The following RAB22A variants were observed in gnomAD, a reference collection of about 807,000 sequenced individuals.
RAB22A encodes RAB22A, member RAS oncogene family, also known as ras-related protein Rab-22A.
Under a neutral mutation model 30.2 loss-of-function variants are expected in RAB22A, and 13 were observed. The ratio of observed to expected loss-of-function variants is 0.43; its 90% CI spans 0.28 to 0.68. The LOEUF is 0.68. RAB22A is among the 30% of genes least tolerant of loss of function. The pLI is 0.18. For synonymous variants in RAB22A, 89 were observed against 87.2 expected, an observed-to-expected ratio of 1.02 and a Z score of -0.11; for missense variants, 177 against 246.8, an observed-to-expected ratio of 0.72 and a Z score of 1.89.
At position 58,360,924 on chromosome 20, in the gene RAB22A, A is replaced by G. The variant is rs1262675279; in HGVS notation, c.*1221A>G. 2 of 152,652 alleles carry G rather than the reference A, an allele frequency of 1.3e-5. No homozygotes were observed. The highest frequency in any genetic ancestry group is 2.4e-5 in the African/African-American group (1 of 41,466). The allele number at this position is 152,652 out of a possible 1,614,324, so 9.5% of individuals were successfully genotyped here. On this transcript the variant is annotated 3_prime_UTR_variant, in exon 7 of 7. Transcript: ENST00000244040. The stretch of plus-strand genomic sequence containing the variant: ...GGTAAAAGATTAAGCTCCAACCTCA[A>G]GTCATTTACCTGGTCTTGGTAATAA...
rs577727266 is a variant in RAB22A, at chr20:58,342,713, G to C, written c.117-1005G>C. Among the ~76,000 whole-genome samples the C allele has an allele frequency of 3.0e-4, 46 of 151,044 alleles. 1 individual carries two copies. The South Asian group carries it at 9.4e-3, about 31-fold the overall frequency. ...AGAAGTCTTATTTTTCATTAGAAAA[G>C]AAGACACACCCATCTTTGGGCTCTA... On this transcript the variant is annotated intron_variant, in intron 2 of 6. Coordinates refer to ENST00000244040, the MANE Select transcript of RAB22A (RefSeq NM_020673.3).
At chr20:58,327,093 G>C (rs1986582018) in intron 2 of RAB22A, among the ~76,000 whole-genome samples, 1 of 152,158 alleles carries the variant, frequency 6.6e-6, no homozygotes, top group Non-Finnish European at 1.5e-5. Context: ...GAACGCTTGA[G>C]ACCAGTGTGG....
intron 5 of RAB22A, among the ~76,000 whole-genome samples, 156 bp downstream of exon 5, chr20:58,353,694 A>G (rs1478362937): frequency 6.6e-6 from 1 of 152,230 alleles, no homozygotes; most frequent in Non-Finnish European, 1.5e-5. Context: ...AACTAAAATT[A>G]AGATTTCAGG....
chr20:58,356,520 T>C (rs1987131696), intron 6 of RAB22A, among the ~76,000 whole-genome samples: 1 of 152,200 alleles, frequency 6.6e-6, no homozygotes, highest in South Asian at 2.1e-4. Flanking sequence ...TGACTTTGTA[T>C]TGAAGTATAA....
At chr20:58,351,260 C>T (rs1416285199) in intron 3 of RAB22A, among the ~76,000 whole-genome samples, 2 of 151,204 alleles carry the variant, frequency 1.3e-5, no homozygotes, top group Non-Finnish European at 2.9e-5. Flanking sequence ...TGCTTGAACC[C>T]GGCAGGCAGA....
intron 2 of RAB22A, among the ~76,000 whole-genome samples, chr20:58,342,216 T>C (rs550739777): frequency 6.6e-6 from 1 of 152,360 alleles, no homozygotes; most frequent in South Asian, 2.1e-4. Flanking sequence ...ACAATAACCA[T>C]TTATGAGTAC....
At chr20:58,310,882 T>G (rs1190164538) in intron 1 of RAB22A, among the ~76,000 whole-genome samples, 161 bp from the exon 2 acceptor site, 1 of 152,256 alleles carries the variant, frequency 6.6e-6, no homozygotes. Context: ...TCCTAATTAC[T>G]CTACTGAATT....
chr20:58,348,001 CG>C (rs1169800755), intron 3 of RAB22A, among the ~76,000 whole-genome samples: 2 of 152,146 alleles, frequency 1.3e-5, no homozygotes. Flanking sequence ...CCAAGGCAGG[CG>C]GATCACCTGA....
intron 2 of RAB22A, among the ~76,000 whole-genome samples, chr20:58,321,608 A>C (rs894499719): frequency 2.0e-5 from 3 of 152,144 alleles, no homozygotes; most frequent in African/African-American, 7.2e-5. Context: ...TTTGCAGTAA[A>C]AGAGTATTTG....
chr20:58,357,775 A>G (rs776693380), intron 6 of RAB22A, among the ~76,000 whole-genome samples: 4 of 152,206 alleles, frequency 2.6e-5, no homozygotes, highest in Non-Finnish European at 4.4e-5. Context: ...ATACTTTCTC[A>G]ATGTAGAAAC....
rs1303758330 is a variant in RAB22A at position 58,364,078 on chromosome 20, A to T, written c.*4375A>T. On this transcript the variant is annotated 3_prime_UTR_variant, in exon 7 of 7. Transcript: ENST00000244040. ...GGGCATTTGTCCTGTTTTATGTGCA[A>T]ATGAAAGTCTAAAAAATATGAGGAA... is the stretch of plus-strand genomic sequence containing the variant. 6.6e-6 allele frequency: 1 copy of T among 152,618 alleles called. No homozygotes were observed. Among genetic ancestry groups the T allele is most frequent in the African/African-American group, 2.4e-5 (1 of 41,444 alleles). 9.5% of individuals were successfully genotyped at this position (152,618 alleles called of 1,614,324 possible).
At chr20:58,328,270 C>T (rs6100025) in intron 2 of RAB22A, among the ~76,000 whole-genome samples, 1 of 152,082 alleles carries the variant, frequency 6.6e-6, no homozygotes, top group East Asian at 1.9e-4. Flanking sequence ...CAGTCACAAC[C>T]CCCCAGGCTC....
chr20:58,338,448 G>A (rs763415784), intron 2 of RAB22A, among the ~76,000 whole-genome samples: 3 of 152,312 alleles, frequency 2.0e-5, no homozygotes, highest in South Asian at 2.1e-4. Flanking sequence ...GGAACAGTCC[G>A]TTGTGCACCA....
rs563259983 is a variant in RAB22A at position 58,309,969 on chromosome 20, C to G, written c.-8C>G. Reference sequence around the variant, plus strand: ...CGGCGGCGGGCCCGCGCCCCTGGCTCCCGGGCCATGGCGCTGAGGGAGCTC... The same window carrying G: ...CGGCGGCGGGCCCGCGCCCCTGGCTGCCGGGCCATGGCGCTGAGGGAGCTC... On this transcript the variant is annotated 5_prime_UTR_variant, in exon 1 of 7. Transcript: ENST00000244040. 1 of 1,266,252 alleles carries G rather than the reference C, an allele frequency of 7.9e-7. No homozygotes were observed. The highest frequency in any genetic ancestry group is 3.3e-5 in the South Asian group (1 of 29,890). The allele number at this position is 1,266,252 out of a possible 1,614,324, so 78.4% of individuals were successfully genotyped here.
intron 2 of RAB22A, among the ~76,000 whole-genome samples, chr20:58,324,781 C>T (rs773972112): frequency 6.8e-6 from 1 of 148,104 alleles, no homozygotes; most frequent in Non-Finnish European, 1.5e-5. Flanking sequence ...GCAGGAGAAT[C>T]GCTTGAACCG....
chr20:58,332,907 A>G (rs536005005), intron 2 of RAB22A, among the ~76,000 whole-genome samples: 7 of 152,270 alleles, frequency 4.6e-5, no homozygotes, highest in African/African-American at 1.4e-4. Flanking sequence ...GACAGTGATA[A>G]TAATTATCTC....
At chr20:58,353,760 T>C (rs1987091001) in intron 5 of RAB22A, among the ~76,000 whole-genome samples, 1 of 152,234 alleles carries the variant, frequency 6.6e-6, no homozygotes, top group South Asian at 2.1e-4. Context: ...ACGGAAATAC[T>C]GGTTGCGTTG....
chr20:58,351,326 ACT>A (rs1987045169), intron 3 of RAB22A, among the ~76,000 whole-genome samples: 2 of 150,966 alleles, frequency 1.3e-5, no homozygotes, highest in Non-Finnish European at 2.9e-5. Flanking sequence ...ACAGAGCGAG[ACT>A]CTGTCTCAAA....
intron 3 of RAB22A, among the ~76,000 whole-genome samples, chr20:58,346,545 A>G (rs1376702333): frequency 6.6e-6 from 1 of 152,208 alleles, no homozygotes; most frequent in Admixed American, 6.5e-5. Context: ...TGATGCACTC[A>G]GAGTTTTCTC....
Sources: allele counts gnomAD v4.1 joint callset (sites outside exome capture counted in the v4.1 genomes callset), GRCh38; gene constraint gnomAD v4.1.1; transcripts MANE v1.5; gene names NCBI Gene and HGNC (gene_info 2026-07-23, HGNC 2026-07-21).